Variants in SNX29 observed in about 807,000 individuals in gnomAD.
SNX29 encodes sorting nexin 29.
A neutral mutation model predicts 102.1 loss-of-function variants in SNX29; 78 were observed. The observed-to-expected ratio is 0.76, with a 90% confidence interval of 0.64 to 0.92. The LOEUF (loss-of-function observed/expected upper bound fraction) is 0.92, where lower values mean the gene tolerates loss of function less well. Among genes scored for constraint, SNX29 ranks in the 40% least tolerant of loss-of-function variants. The probability of loss-of-function intolerance (pLI) is 0.00; values close to 1 mark genes in which losing one functional copy is unlikely to be tolerated. For missense variants in SNX29, 1,280 were observed against 1,061.7 expected (o/e 1.21, Z -2.86); for synonymous variants, 580 against 414.5 (o/e 1.40, Z -4.85).
intron 20 of SNX29, among the ~76,000 whole-genome samples, chr16:12,566,719 G>A (rs1274220199): frequency 1.3e-5 from 2 of 152,214 alleles, no homozygotes; most frequent in East Asian, 3.8e-4. Flanking sequence ...CCTTTGAAGA[G>A]AGGATCATGT....
In SNX29 at chr16:12,135,670, T is replaced by C. The variant is rs2054634089; in HGVS notation, c.1595+5912T>C. 11 of 1,252,966 alleles carry C rather than the reference T, an allele frequency of 8.8e-6. No individual in the cohort carries two copies. The East Asian group carries it at 4.2e-4, about 47-fold the overall frequency. The allele number at this position is 1,252,966 out of a possible 1,614,324, so 77.6% of individuals were successfully genotyped here. A position where few individuals can be genotyped will look rare whatever the true frequency, so the allele number is the denominator to read the frequency against. On this transcript the variant is annotated intron_variant, in intron 13 of 20. Transcript: ENST00000566228. ...CTCATTTGAGCTCCTGGATCCAGTC[T>C]TTCCTGAAGCTGTGTTTCCTCTGGA...
At chr16:12,171,319 CTT>C (rs531304434) in intron 13 of SNX29, among the ~76,000 whole-genome samples, 1 of 148,196 alleles carries the variant, frequency 6.7e-6, no homozygotes, top group African/African-American at 2.5e-5. Context: ...AAAAGGCTTA[CTT>C]TTTTTTTTTG....
chr16:12,341,749 C>T (rs1426118103), intron 15 of SNX29, among the ~76,000 whole-genome samples: 1 of 152,184 alleles, frequency 6.6e-6, no homozygotes, highest in South Asian at 2.1e-4. Context: ...TCACTTCCAC[C>T]TGGAACTCGT....
intron 15 of SNX29, among the ~76,000 whole-genome samples, chr16:12,331,643 C>T (rs1216695511): frequency 6.6e-6 from 1 of 152,118 alleles, no homozygotes; most frequent in Non-Finnish European, 1.5e-5. Flanking sequence ...CCTCTGCCTC[C>T]TGGGTTCATG....
chr16:11,983,224 C>T (rs1419440360), intron 1 of SNX29, among the ~76,000 whole-genome samples: 1 of 147,652 alleles, frequency 6.8e-6, no homozygotes, highest in African/African-American at 2.5e-5. Context: ...AGCCACTGCG[C>T]CTGGGTTACA....
chr16:12,477,851 G>C lies in SNX29; in HGVS notation c.2170G>C (p.Gly724Arg). ...CAACTTCCCACCCAAAAAGGCCATTGGAAACAAGGTACCATCCCGTGCTGG... is the reference window on the plus strand; with the variant it reads ...CAACTTCCCACCCAAAAAGGCCATTCGAAACAAGGTACCATCCCGTGCTGG... ...AYNFPPKKAIGNKDAKFVEER... is the reference protein window; with the variant it reads ...AYNFPPKKAIRNKDAKFVEER... Residue 724 changes from glycine (G) to arginine (R), a missense_variant, in exon 19 of 21, where the codon GGA (glycine) becomes CGA (arginine). Coordinates refer to ENST00000566228, the MANE Select transcript of SNX29 (RefSeq NM_032167.5). The C allele has an allele frequency of 6.2e-7, 1 of 1,606,438 alleles. No individual in the cohort carries two copies. The highest frequency in any genetic ancestry group is 8.5e-7 in the Non-Finnish European group (1 of 1,177,748).
chr16:12,091,043 GAAA>G, intron 11 of SNX29, among the ~76,000 whole-genome samples: 1 of 77,626 alleles, frequency 1.3e-5, no homozygotes, highest in Non-Finnish European at 2.5e-5. Context: ...AAAAAAGAAA[GAAA>G]AAGAAAAAAG....
chr16:12,159,000 C>T (rs1321317771), intron 13 of SNX29, among the ~76,000 whole-genome samples: 1 of 152,190 alleles, frequency 6.6e-6, no homozygotes, highest in Non-Finnish European at 1.5e-5. Flanking sequence ...TGTAACACAC[C>T]TGCCTGTTAG....
intron 11 of SNX29, among the ~76,000 whole-genome samples, chr16:12,121,271 A>G (rs1388946230): frequency 6.6e-6 from 1 of 151,914 alleles, no homozygotes; most frequent in Non-Finnish European, 1.5e-5. Context: ...GAATCACTGA[A>G]CTCTACTTGG....
intron 20 of SNX29, among the ~76,000 whole-genome samples, chr16:12,542,875 C>G (rs1207850941): frequency 2.0e-5 from 3 of 151,922 alleles, no homozygotes; most frequent in Non-Finnish European, 2.9e-5. Context: ...GTCTGAGTCT[C>G]TAGAGGTCCC....
chr16:12,507,937 CCT>C (rs2089449972), intron 19 of SNX29, among the ~76,000 whole-genome samples: 1 of 152,156 alleles, frequency 6.6e-6, no homozygotes, highest in South Asian at 2.1e-4. Flanking sequence ...CTTTTGCAGA[CCT>C]CTCCTGTGTA....
chr16:11,999,196 G>A (rs1467262102), intron 1 of SNX29, 101 bp from the exon 2 acceptor site: 3 of 986,914 alleles, frequency 3.0e-6, no homozygotes, highest in African/African-American at 1.6e-5. Context: ...ACCTAGTTGT[G>A]CTACTGATTT....
chr16:12,350,167 G>T (rs2081954327), intron 15 of SNX29, among the ~76,000 whole-genome samples: 1 of 152,132 alleles, frequency 6.6e-6, no homozygotes, highest in South Asian at 2.1e-4. Context: ...TAGCAACACT[G>T]CATGTGACAG....
chr16:12,066,976 C>G (rs1057169593), intron 9 of SNX29, among the ~76,000 whole-genome samples: 1 of 140,238 alleles, frequency 7.1e-6, no homozygotes, highest in African/African-American at 2.8e-5. Flanking sequence ...GAGACCGTGT[C>G]TCTAAAATAA....
chr16:12,345,392 C>G (rs1182539407), intron 15 of SNX29, among the ~76,000 whole-genome samples: 1 of 152,160 alleles, frequency 6.6e-6, no homozygotes, highest in Non-Finnish European at 1.5e-5. Flanking sequence ...TCTAAGACTT[C>G]TGTGTGCGGT....
intron 14 of SNX29, among the ~76,000 whole-genome samples, chr16:12,215,684 GGTACGTGCT>G (rs2077305471): frequency 6.6e-6 from 1 of 152,186 alleles, no homozygotes; most frequent in African/African-American, 2.4e-5. Context: ...AGGCATTTGA[GGTACGTGCT>G]GTACCCAGAA....
intron 13 of SNX29, among the ~76,000 whole-genome samples, chr16:12,182,018 G>A (rs577592889): frequency 6.6e-6 from 1 of 152,078 alleles, no homozygotes; most frequent in Non-Finnish European, 1.5e-5. Context: ...TAAGTAGCTA[G>A]GACTACAGGC....
intron 9 of SNX29, among the ~76,000 whole-genome samples, chr16:12,066,464 A>G (rs538665922): frequency 1.3e-5 from 2 of 152,300 alleles, no homozygotes; most frequent in Admixed American, 1.3e-4. Flanking sequence ...GTTGGTAGGC[A>G]CAGCGGGGTA....
intron 13 of SNX29, among the ~76,000 whole-genome samples, chr16:12,161,106 C>T (rs976284472): frequency 1.3e-5 from 2 of 152,238 alleles, no homozygotes; most frequent in Non-Finnish European, 2.9e-5. Flanking sequence ...CTCCCTCTAT[C>T]AGTCCCGCAA....
Sources: gnomAD v4.1 joint callset for allele counts (sites outside exome capture counted in the v4.1 genomes callset) on GRCh38, gnomAD v4.1.1 for gene constraint, MANE v1.5 for transcripts, NCBI Gene and HGNC (gene_info 2026-07-23, HGNC 2026-07-21) for gene names.